SEL1L2: variants seen among roughly 807,000 people sequenced by gnomAD.
SEL1L2 encodes the protein protein sel-1 homolog 2.
Under a neutral mutation model 98.8 loss-of-function variants are expected in SEL1L2, and 89 were observed. The observed-to-expected ratio is 0.90, with a 90% confidence interval of 0.76 to 1.07. The LOEUF is 1.07. Ranked by LOEUF, SEL1L2 falls within the 50% of genes least tolerant of loss-of-function variation. The pLI, the probability that SEL1L2 is intolerant of heterozygous loss-of-function variation, is 0.00. For synonymous variants in SEL1L2, 262 were observed against 278.5 expected (o/e 0.94, Z 0.59); for missense variants, 788 against 812.0 (o/e 0.97, Z 0.36).
intron 5 of SEL1L2, among the ~76,000 whole-genome samples, chr20:13,909,734 G>A (rs923453282): frequency 1.3e-5 from 2 of 152,150 alleles, no homozygotes; most frequent in Admixed American, 1.3e-4. Context: ...GGGAGGCCAA[G>A]GAGGGCAGAT....
chr20:13,983,017 C>T (rs186574210), intron 1 of SEL1L2, among the ~76,000 whole-genome samples: 357 of 4,654 alleles, frequency 0.077, 3 homozygotes, highest in Non-Finnish European at 0.16. Flanking sequence ...GAGCAAGACT[C>T]CATCTCAAAA....
chr20:13,860,501 T>C (rs1195980554), intron 17 of SEL1L2, among the ~76,000 whole-genome samples: 1 of 152,204 alleles, frequency 6.6e-6, no homozygotes, highest in Non-Finnish European at 1.5e-5. Context: ...GCCCAAGCAC[T>C]GTCCTGTCGC....
At chr20:13,994,619 C>G (rs2052599486), upstream of SEL1L2, among the ~76,000 whole-genome samples, 1 of 152,122 alleles carries the variant, frequency 6.6e-6, no homozygotes, top group African/African-American at 2.4e-5. Flanking sequence ...TTATAGGTCA[C>G]CCTACTCATG....
At chr20:13,877,623 C>T (rs1250849748) in intron 10 of SEL1L2, 35 bp from the exon 11 acceptor site, 1 of 1,526,226 alleles carries the variant, frequency 6.6e-7, no homozygotes, top group Non-Finnish European at 9.1e-7. Flanking sequence ...TTGCTAGTCA[C>T]AAAATAAATC....
chr20:13,959,747 A>G (rs1275879644), intron 1 of SEL1L2, among the ~76,000 whole-genome samples: 2 of 152,236 alleles, frequency 1.3e-5, no homozygotes, highest in African/African-American at 4.8e-5. Context: ...ATGGGAATAA[A>G]CAAACTTATT....
chr20:13,909,106 GCTCT>G (rs956733121), intron 5 of SEL1L2, among the ~76,000 whole-genome samples: 4 of 148,464 alleles, frequency 2.7e-5, no homozygotes, highest in African/African-American at 5.2e-5. Flanking sequence ...TCTCAGTCTC[GCTCT>G]CTCTCTCTCA....
At chr20:13,863,968 CAAAA>C (rs11476600) in intron 17 of SEL1L2, among the ~76,000 whole-genome samples, 1 of 87,976 alleles carries the variant, frequency 1.1e-5, no homozygotes, top group African/African-American at 4.1e-5. Flanking sequence ...GACTCCATCT[CAAAA>C]AAAAAAAAAA....
intron 2 of SEL1L2, among the ~76,000 whole-genome samples, chr20:13,952,369 G>A (rs1309978785): frequency 6.6e-6 from 1 of 152,220 alleles, no homozygotes; most frequent in African/African-American, 2.4e-5. Flanking sequence ...CCATTTCATG[G>A]ATAAGGGTCA....
chr20:13,912,490 T>A (rs992512313), intron 5 of SEL1L2, among the ~76,000 whole-genome samples: 1 of 151,960 alleles, frequency 6.6e-6, no homozygotes, highest in African/African-American at 2.4e-5. Context: ...AGAGACGGGG[T>A]TTCACCATGT....
chr20:13,902,251 G>C (rs1416377178), intron 5 of SEL1L2, among the ~76,000 whole-genome samples: 1 of 152,048 alleles, frequency 6.6e-6, no homozygotes, highest in Non-Finnish European at 1.5e-5. Context: ...GATTGATTAG[G>C]GGTGGCAATG....
intron 1 of SEL1L2, 132 bp downstream of exon 1, chr20:13,990,345 C>T (rs778839602): frequency 3.6e-5 from 24 of 669,614 alleles, no homozygotes; most frequent in Non-Finnish European, 5.8e-5. Context: ...TTTTAAAGTA[C>T]CTGTACAAAA....
At chr20:13,891,633 C>G (rs1205269137) in intron 5 of SEL1L2, among the ~76,000 whole-genome samples, 1 of 133,568 alleles carries the variant, frequency 7.5e-6, no homozygotes, top group Non-Finnish European at 1.6e-5. Context: ...TGCCACTGCA[C>G]TCTAGCCTGG....
intron 3 of SEL1L2, among the ~76,000 whole-genome samples, chr20:13,927,128 G>T (rs1278863913): frequency 6.6e-6 from 1 of 152,212 alleles, no homozygotes; most frequent in African/African-American, 2.4e-5. Context: ...TGCCATTTCA[G>T]AAAAGGTAAT....
At chr20:13,899,080 A>C (rs1156535051) in intron 5 of SEL1L2, among the ~76,000 whole-genome samples, 1 of 152,186 alleles carries the variant, frequency 6.6e-6, no homozygotes, top group East Asian at 1.9e-4. Context: ...TATATTTAAA[A>C]AGATGCCATG....
upstream of SEL1L2, among the ~76,000 whole-genome samples, chr20:13,991,899 A>C (rs926593717): frequency 2.0e-5 from 3 of 152,162 alleles, no homozygotes; most frequent in African/African-American, 7.2e-5. Context: ...AGGCTGAGGC[A>C]TGAGAAGTGC....
At chr20:13,877,277 C>A (rs1474664657) in intron 11 of SEL1L2, among the ~76,000 whole-genome samples, 7 of 152,084 alleles carry the variant, frequency 4.6e-5, no homozygotes, top group African/African-American at 1.7e-4. Flanking sequence ...GCTGCCCTGT[C>A]CCTCTACAAT....
At position 13,897,015 on chromosome 20, in the gene SEL1L2, A is replaced by G. The variant is rs372253077; in HGVS notation, c.550-8503T>C. On this transcript the variant is annotated intron_variant, in intron 5 of 19. Coordinates refer to ENST00000284951, the MANE Select transcript of SEL1L2 (RefSeq NM_025229.2). Reference sequence around the variant, plus strand: ...ATTTCCTGATCTCAAAACATTCTACAAACCTACAGTAGTCAAAATCGTGTA... The same window carrying G: ...ATTTCCTGATCTCAAAACATTCTACGAACCTACAGTAGTCAAAATCGTGTA... Among the ~76,000 whole-genome samples, 9 of 152,346 alleles carry G rather than the reference A, an allele frequency of 5.9e-5. No individual in the cohort carries two copies. The East Asian group carries it at 1.7e-3, about 29-fold the overall frequency.
chr20:13,946,892 C>G (rs1471570808), intron 2 of SEL1L2, among the ~76,000 whole-genome samples: 5 of 152,202 alleles, frequency 3.3e-5, no homozygotes, highest in Non-Finnish European at 7.3e-5. Context: ...CATGCCAGCT[C>G]CCTGCTGCCT....
chr20:13,880,872 T>A (rs867939305), intron 10 of SEL1L2, among the ~76,000 whole-genome samples: 2,082 of 152,272 alleles, frequency 0.014, 46 homozygotes, highest in African/African-American at 0.047. Context: ...AAAGTTTTAT[T>A]ATTTGGACCC....
Sources: allele counts gnomAD v4.1 joint callset (sites outside exome capture counted in the v4.1 genomes callset), GRCh38; gene constraint gnomAD v4.1.1; transcripts MANE v1.5; gene names NCBI Gene and HGNC (gene_info 2026-07-23, HGNC 2026-07-21).